Variants in KCNMA1 observed in about 807,000 individuals in gnomAD.
KCNMA1 encodes Calcium-activated potassium channel subunit alpha-1.
A neutral mutation model predicts 140.0 loss-of-function variants in KCNMA1; 29 were observed. That is an observed-to-expected ratio of 0.21 (90% CI 0.15 to 0.28). The LOEUF is 0.28. Ranked by LOEUF, KCNMA1 falls within the 10% of genes least tolerant of loss-of-function variation. KCNMA1 has a pLI of 1.00. For missense variants in KCNMA1, 880 were observed against 1,602.2 expected, an observed-to-expected ratio of 0.55 and a Z score of 7.70; for synonymous variants, 612 against 611.9, an observed-to-expected ratio of 1.00 and a Z score of 0.00.
intron 2 of KCNMA1, among the ~76,000 whole-genome samples, chr10:77,401,453 C>A (rs1025853258): frequency 1.3e-5 from 2 of 152,194 alleles, no homozygotes; most frequent in African/African-American, 2.4e-5. Context: ...CCACGCCTGG[C>A]CCCAAAATTC....
intron 1 of KCNMA1, among the ~76,000 whole-genome samples, chr10:77,549,572 T>G (rs879179652): frequency 6.6e-6 from 1 of 152,202 alleles, no homozygotes; most frequent in Admixed American, 6.5e-5. Context: ...ACCCAGCCCA[T>G]GAAGAAGGCC....
chr10:77,013,459 G>C (rs1489729002), intron 17 of KCNMA1, among the ~76,000 whole-genome samples: 1 of 152,104 alleles, frequency 6.6e-6, no homozygotes, highest in Non-Finnish European at 1.5e-5. Context: ...AATCCTAGCT[G>C]ACTGTTGACC....
intron 5 of KCNMA1, among the ~76,000 whole-genome samples, chr10:77,173,806 G>A (rs972538962): frequency 3.3e-5 from 5 of 152,090 alleles, no homozygotes; most frequent in African/African-American, 1.2e-4. Context: ...TGACCTCTGG[G>A]GGCACTCAGG....
intron 1 of KCNMA1, among the ~76,000 whole-genome samples, chr10:77,606,333 C>T (rs183456224): frequency 6.6e-6 from 1 of 152,180 alleles, no homozygotes; most frequent in African/African-American, 2.4e-5. Flanking sequence ...CCTCATGGCC[C>T]TCAAAAAGGC....
In KCNMA1 at chr10:77,198,653, C is replaced by T. The variant is rs551531308; in HGVS notation, c.603-13737G>A. On this transcript the variant is annotated intron_variant, in intron 3 of 27. Coordinates refer to ENST00000286628, the MANE Select transcript of KCNMA1 (RefSeq NM_001161352.2). ...TGTTTTAAATTCAGTAGAGATTCATCAAGCTTCGCTCTAATGTCAAGGCTA... is the reference window on the plus strand; with the variant it reads ...TGTTTTAAATTCAGTAGAGATTCATTAAGCTTCGCTCTAATGTCAAGGCTA... 1.8e-4 allele frequency among the ~76,000 whole-genome samples: 27 copies of T among 150,218 alleles called. 1 individual carries two copies. The highest frequency in any genetic ancestry group is 4.9e-4 in the African/African-American group (20 of 40,984).
chr10:77,189,622 A>G (rs1270305583), intron 3 of KCNMA1, among the ~76,000 whole-genome samples: 1 of 152,178 alleles, frequency 6.6e-6, no homozygotes, highest in African/African-American at 2.4e-5. Flanking sequence ...CACACACCCA[A>G]GATGATTTAC....
intron 1 of KCNMA1, among the ~76,000 whole-genome samples, chr10:77,550,320 C>T (rs191587525): frequency 6.6e-6 from 1 of 152,204 alleles, no homozygotes; most frequent in Non-Finnish European, 1.5e-5. Flanking sequence ...CTCCCAGCAC[C>T]TGCTGGGTAG....
chr10:76,897,734 G>A (rs192094547), intron 25 of KCNMA1, among the ~76,000 whole-genome samples: 1 of 151,784 alleles, frequency 6.6e-6, no homozygotes, highest in African/African-American at 2.4e-5. Context: ...AAAATGGAAT[G>A]CAAATGTCAA....
chr10:77,420,969 C>T (rs989843926), intron 1 of KCNMA1, among the ~76,000 whole-genome samples: 1 of 152,254 alleles, frequency 6.6e-6, no homozygotes, highest in Non-Finnish European at 1.5e-5. Flanking sequence ...TTCTATCAGT[C>T]ACATCATGCC....
intron 19 of KCNMA1, chr10:76,979,474 CT>C (rs1452146335): frequency 6.8e-6 from 1 of 146,626 alleles, no homozygotes; most frequent in East Asian, 1.9e-4. Context: ...CTTTCTTTTT[CT>C]TTCCCCCCAC....
chr10:77,182,091 A>G (rs2098807653), intron 5 of KCNMA1, among the ~76,000 whole-genome samples: 2 of 152,186 alleles, frequency 1.3e-5, no homozygotes, highest in African/African-American at 2.4e-5. Context: ...ATCTTGACAC[A>G]ACATTTTTTA....
intron 25 of KCNMA1, among the ~76,000 whole-genome samples, chr10:76,897,740 G>A (rs2043197170): frequency 6.6e-6 from 1 of 151,770 alleles, no homozygotes; most frequent in Non-Finnish European, 1.5e-5. Context: ...GAATGCAAAT[G>A]TCAAAACTAA....
intron 1 of KCNMA1, among the ~76,000 whole-genome samples, chr10:77,526,397 C>T (rs1479661933): frequency 6.6e-6 from 1 of 152,254 alleles, no homozygotes; most frequent in Non-Finnish European, 1.5e-5. Context: ...ACTAAAACTA[C>T]TGTACACAGT....
At chr10:77,008,432 G>C (rs1261600779) in intron 18 of KCNMA1, among the ~76,000 whole-genome samples, 2 of 152,126 alleles carry the variant, frequency 1.3e-5, no homozygotes, top group Non-Finnish European at 2.9e-5. Flanking sequence ...GTAAATAGTA[G>C]ACCCTGAGAA....
chr10:77,442,981 TG>T (rs2097441153), intron 1 of KCNMA1, among the ~76,000 whole-genome samples: 2 of 152,192 alleles, frequency 1.3e-5, no homozygotes, highest in African/African-American at 2.4e-5. Flanking sequence ...GGCCAAGGTG[TG>T]GGGGAGAGCC....
At chr10:77,126,717 A>ACC (rs1249928637) in intron 5 of KCNMA1, among the ~76,000 whole-genome samples, 14 of 68,414 alleles carry the variant, frequency 2.0e-4, no homozygotes, top group African/African-American at 7.4e-4. Context: ...GGTGCCCCCC[A>ACC]CCCCCCCACC....
chr10:77,212,657 T>C (rs1417711386), intron 3 of KCNMA1, among the ~76,000 whole-genome samples: 1 of 152,168 alleles, frequency 6.6e-6, no homozygotes, highest in African/African-American at 2.4e-5. Context: ...CTCTCTCTCC[T>C]TCTCTCCCTC....
chr10:77,506,869 G>A (rs945527708), intron 1 of KCNMA1, among the ~76,000 whole-genome samples: 1 of 136,666 alleles, frequency 7.3e-6, no homozygotes, highest in South Asian at 2.3e-4. Context: ...GTGTGTGTGT[G>A]TGTTAGAGAG....
intron 23 of KCNMA1, among the ~76,000 whole-genome samples, chr10:76,925,118 C>T (rs907311368): frequency 7.2e-5 from 11 of 151,964 alleles, no homozygotes; most frequent in Non-Finnish European, 1.3e-4. Context: ...CCCCTTTATT[C>T]GTTATTTTAA....
Sources: allele counts gnomAD v4.1 joint callset (sites outside exome capture counted in the v4.1 genomes callset), GRCh38; gene constraint gnomAD v4.1.1; transcripts MANE v1.5; gene names NCBI Gene and HGNC (gene_info 2026-07-23, HGNC 2026-07-21).